SHROOM3: variants seen among roughly 807,000 people sequenced by gnomAD.
SHROOM3 encodes the protein shroom family member 3.
In SHROOM3, 47 loss-of-function variants were observed where a neutral mutation model predicts 138.6. The ratio of observed to expected loss-of-function variants is 0.34; its 90% CI spans 0.27 to 0.43. The LOEUF (loss-of-function observed/expected upper bound fraction) is 0.43, where lower values mean the gene tolerates loss of function less well. Ranked by LOEUF, SHROOM3 falls within the 20% of genes least tolerant of loss-of-function variation. The pLI is 1.00. For missense variants in SHROOM3, 2,491 were observed against 2,596.5 expected (o/e 0.96, Z 0.88); for synonymous variants, 1,062 against 1,063.3 (o/e 1.00, Z 0.02).
chr4:76,547,755 C>T (rs936532183), intron 1 of SHROOM3, among the ~76,000 whole-genome samples: 1 of 151,978 alleles, frequency 6.6e-6, no homozygotes, highest in African/African-American at 2.4e-5. Context: ...CATGGTGAAA[C>T]CTTGTCTCTA....
intron 3 of SHROOM3, among the ~76,000 whole-genome samples, chr4:76,727,071 A>G (rs893921593): frequency 6.6e-6 from 1 of 152,038 alleles, no homozygotes; most frequent in African/African-American, 2.4e-5. Flanking sequence ...TCTACTACTG[A>G]GAGTGATTCT....
chr4:76,482,279 C>T (rs1263832364), intron 1 of SHROOM3, among the ~76,000 whole-genome samples: 2 of 152,120 alleles, frequency 1.3e-5, no homozygotes, highest in Non-Finnish European at 2.9e-5. Context: ...CCAAAATTTC[C>T]TTAAGCTGAT....
At chr4:76,525,800 T>C (rs530660990) in intron 1 of SHROOM3, among the ~76,000 whole-genome samples, 69 of 152,304 alleles carry the variant, frequency 4.5e-4, no homozygotes, top group African/African-American at 1.5e-3. Context: ...CATCATTGCC[T>C]CAGCATGGAT....
At chr4:76,633,649 T>G (rs1577936781) in intron 2 of SHROOM3, among the ~76,000 whole-genome samples, 1 of 96,624 alleles carries the variant, frequency 1.0e-5, no homozygotes, top group South Asian at 4.3e-4. Context: ...AGAGCGAGAC[T>G]CCGTCTCAAA....
chr4:76,674,898 T>C (rs1049359288), intron 2 of SHROOM3, among the ~76,000 whole-genome samples: 7 of 151,990 alleles, frequency 4.6e-5, no homozygotes, highest in African/African-American at 1.7e-4. Context: ...TCCCCACTCA[T>C]CCTCCCCATT....
At chr4:76,725,564 T>C (rs1289012643) in intron 3 of SHROOM3, among the ~76,000 whole-genome samples, 1 of 152,220 alleles carries the variant, frequency 6.6e-6, no homozygotes, top group Non-Finnish European at 1.5e-5. Flanking sequence ...TTTTTAAATA[T>C]CAGTTTCAAC....
At chr4:76,691,412 C>A (rs1361448799) in intron 2 of SHROOM3, among the ~76,000 whole-genome samples, 4 of 152,076 alleles carry the variant, frequency 2.6e-5, no homozygotes, top group Non-Finnish European at 5.9e-5. Context: ...TGACCTGGGA[C>A]CAAAGCAAAT....
intron 1 of SHROOM3, among the ~76,000 whole-genome samples, chr4:76,542,535 C>T (rs1046987709): frequency 3.3e-5 from 5 of 152,176 alleles, no homozygotes; most frequent in Admixed American, 1.3e-4. Context: ...GAGTCAGTGT[C>T]AAAATGGCAC....
chr4:76,694,010 C>G (rs950513711), intron 2 of SHROOM3, among the ~76,000 whole-genome samples: 7 of 151,784 alleles, frequency 4.6e-5, no homozygotes, highest in African/African-American at 1.7e-4. Context: ...TCAAAATTAA[C>G]GTCATGCTTT....
intron 1 of SHROOM3, among the ~76,000 whole-genome samples, chr4:76,521,020 G>A (rs1266496567): frequency 6.6e-6 from 1 of 152,162 alleles, no homozygotes; most frequent in Non-Finnish European, 1.5e-5. Flanking sequence ...TTTGGCTGTG[G>A]AATAGCTTTC....
chr4:76,565,980 C>T (rs1376232497), intron 2 of SHROOM3, among the ~76,000 whole-genome samples: 3 of 151,744 alleles, frequency 2.0e-5, no homozygotes, highest in Non-Finnish European at 4.4e-5. Flanking sequence ...CATGGTGGTG[C>T]GTGCCTGTAG....
At chr4:76,631,512 C>T (rs1053591831) in intron 2 of SHROOM3, among the ~76,000 whole-genome samples, 1 of 152,162 alleles carries the variant, frequency 6.6e-6, no homozygotes, top group South Asian at 2.1e-4. Context: ...CACACCTGGC[C>T]GCAAGGTGAC....
chr4:76,597,714 T>A (rs767980116), intron 2 of SHROOM3, among the ~76,000 whole-genome samples: 2 of 152,164 alleles, frequency 1.3e-5, no homozygotes, highest in Non-Finnish European at 2.9e-5. Context: ...AATCATAGGT[T>A]AATGAAATAA....
chr4:76,555,212 A>C (rs866802898), intron 1 of SHROOM3, among the ~76,000 whole-genome samples: 5 of 152,170 alleles, frequency 3.3e-5, no homozygotes, highest in Non-Finnish European at 7.4e-5. Flanking sequence ...CTTCCACAAA[A>C]CTGGTCCCTG....
At position 76,740,390 on chromosome 4, in the gene SHROOM3, C is replaced by G. The variant is rs761415117; in HGVS notation, c.2217C>G (p.Asp739Glu). The part of the protein sequence containing the change: ...TGASASFNST[D>E]PSPEEPPAPS... ...CCTCGGCTTCTTTCAACAGCACAGA[C>G]CCAAGTCCCGAAGAGCCGCCTGCCC... Residue 739 changes from aspartate (D) to glutamate (E), a missense_variant, in exon 5 of 11, where the codon GAC becomes GAG. By Grantham distance (45) the Asp-to-Glu change is conservative. Transcript: ENST00000296043. The surrounding 1 kb of genome is among the most constrained non-coding windows in gnomAD (Gnocchi z 4.0). 1.2e-6 allele frequency: 2 copies of G among 1,613,084 alleles called. No individual in the cohort carries two copies. The highest frequency in any genetic ancestry group is 2.2e-5 in the East Asian group (1 of 44,858).
chr4:76,614,050 T>C (rs1325522064), intron 2 of SHROOM3, among the ~76,000 whole-genome samples: 1 of 151,746 alleles, frequency 6.6e-6, no homozygotes, highest in Non-Finnish European at 1.5e-5. Context: ...TGTTTGTTTG[T>C]TTGTTTGTTT....
At chr4:76,759,068 G>A (rs901273883) in intron 8 of SHROOM3, among the ~76,000 whole-genome samples, 10 of 152,216 alleles carry the variant, frequency 6.6e-5, no homozygotes, top group Admixed American at 6.5e-4. Context: ...AAAATTTTGT[G>A]TGTTCAAGCA....
intron 2 of SHROOM3, among the ~76,000 whole-genome samples, chr4:76,646,577 C>A (rs532603650): frequency 6.6e-6 from 1 of 152,014 alleles, no homozygotes; most frequent in Non-Finnish European, 1.5e-5. Context: ...TCACATAACA[C>A]GGTACTTCAG....
intron 2 of SHROOM3, among the ~76,000 whole-genome samples, chr4:76,567,605 G>C (rs748673307): frequency 1.1e-3 from 174 of 152,244 alleles, no homozygotes; most frequent in Non-Finnish European, 2.1e-3. Flanking sequence ...AGCTGAGATC[G>C]TGCCACTGCA....
Sources: gnomAD v4.1 joint callset for allele counts (sites outside exome capture counted in the v4.1 genomes callset) on GRCh38, gnomAD v4.1.1 for gene constraint, Gnocchi (gnomAD v3.1) non-coding constraint, MANE v1.5 for transcripts, NCBI Gene and HGNC (gene_info 2026-07-23, HGNC 2026-07-21) for gene names.